SGPL1: variants seen among roughly 807,000 people sequenced by gnomAD.
The protein encoded by SGPL1 is SP-lyase 1.
A neutral mutation model predicts 68.9 loss-of-function variants in SGPL1; 37 were observed. That is an observed-to-expected ratio of 0.54 (90% CI 0.41 to 0.71). The LOEUF is 0.71. SGPL1 is among the 30% of genes least tolerant of loss of function. The probability of loss-of-function intolerance (pLI) is 0.00; values close to 1 mark genes in which losing one functional copy is unlikely to be tolerated. For missense variants in SGPL1, 551 were observed against 704.6 expected, an observed-to-expected ratio of 0.78 and a Z score of 2.47; for synonymous variants, 236 against 248.5, an observed-to-expected ratio of 0.95 and a Z score of 0.47.
intron 4 of SGPL1, among the ~76,000 whole-genome samples, chr10:70,852,185 C>T (rs1360371838): frequency 6.6e-6 from 1 of 152,182 alleles, no homozygotes; most frequent in Non-Finnish European, 1.5e-5. Flanking sequence ...TTTTGGCTTT[C>T]AGTTCCCTTT....
chr10:70,847,521 T>C (rs1182348856), intron 3 of SGPL1, among the ~76,000 whole-genome samples: 4 of 152,112 alleles, frequency 2.6e-5, no homozygotes, highest in African/African-American at 9.7e-5. Flanking sequence ...ACAATATGGG[T>C]ATATAATAAG....
In SGPL1 at chr10:70,844,601, G is replaced by A. The variant is rs1162198788; in HGVS notation, c.156G>A (p.Leu52=). 1 of 1,613,982 alleles carries A rather than the reference G, an allele frequency of 6.2e-7. No homozygotes were observed. The highest frequency in any genetic ancestry group is 8.5e-7 in the Non-Finnish European group (1 of 1,180,020). ...LIAWSVVWTL[L]IVWGYEFVFQ... is the part of the protein sequence containing the mutation. ...CATGGAGTGTCGTGTGGACCCTGCT[G>A]ATAGTCTGGGGATATGAGTTTGTCT... The change falls in exon 3 of 15, where the codon CTG becomes CTA. Residue 52 remains leucine, a synonymous_variant. Coordinates refer to ENST00000373202, the MANE Select transcript of SGPL1 (RefSeq NM_003901.4).
intron 13 of SGPL1, among the ~76,000 whole-genome samples, chr10:70,875,790 T>G (rs6480465): frequency 0.023 from 3,427 of 152,272 alleles, 116 homozygotes; most frequent in African/African-American, 0.078. Flanking sequence ...GTCATGAGGT[T>G]TTTCTCTCAG....
intron 3 of SGPL1, 49 bp from the exon 4 acceptor site, chr10:70,851,094 C>G: frequency 6.9e-7 from 1 of 1,452,244 alleles, no homozygotes; most frequent in South Asian, 1.1e-5. Context: ...TATGCCAGGT[C>G]ATATCCATGG....
Position 70,868,352 on chromosome 10 carries a change from C to G in SGPL1, c.623C>G (p.Ser208Cys). 1 of 1,610,710 alleles carries G rather than the reference C, an allele frequency of 6.2e-7. No homozygotes were observed. The highest frequency in any genetic ancestry group is 8.5e-7 in the Non-Finnish European group (1 of 1,178,242). The stretch of plus-strand genomic sequence containing the variant: ...ATCTCTTCTTTATTATAGGTGACTT[C>G]TGGGGGAACAGAAAGCATACTGATG... ...GGPDSCGCVT[S>C]GGTESILMAC... The change falls in exon 8 of 15, where the codon TCT (serine) becomes TGT (cysteine). Residue 208 changes from serine to cysteine, a missense_variant. Ser to Cys is a moderately radical substitution (Grantham distance 112). Transcript: ENST00000373202.
intron 3 of SGPL1, among the ~76,000 whole-genome samples, chr10:70,847,727 G>A (rs1231616333): frequency 6.6e-6 from 1 of 152,146 alleles, no homozygotes; most frequent in Non-Finnish European, 1.5e-5. Flanking sequence ...TTTAGACACA[G>A]ATAAGAATGT....
chr10:70,862,642 A>G (rs1846093967), intron 7 of SGPL1, among the ~76,000 whole-genome samples: 1 of 152,098 alleles, frequency 6.6e-6, no homozygotes, highest in African/African-American at 2.4e-5. Flanking sequence ...TCCTGAAGCC[A>G]GTGAGACCAC....
At chr10:70,835,134 A>G (rs1465360935) in intron 2 of SGPL1, among the ~76,000 whole-genome samples, 4 of 152,332 alleles carry the variant, frequency 2.6e-5, no homozygotes, top group Non-Finnish European at 5.9e-5. Context: ...AAAACTGTCA[A>G]AAGTATAGGC....
chr10:70,866,019 TTTGG>T (rs1387039250), intron 7 of SGPL1, among the ~76,000 whole-genome samples: 5 of 152,198 alleles, frequency 3.3e-5, no homozygotes, highest in Admixed American at 3.3e-4. Flanking sequence ...CCTGTTTCTC[TTTGG>T]GTATAGGAGG....
chr10:70,816,429 G>GC (rs1845229969), intron 1 of SGPL1, among the ~76,000 whole-genome samples: 1 of 152,168 alleles, frequency 6.6e-6, no homozygotes, highest in Non-Finnish European at 1.5e-5. Flanking sequence ...CGAGAGCGAG[G>GC]CCGTGCTGAT....
At chr10:70,841,703 T>C (rs967649415) in intron 2 of SGPL1, among the ~76,000 whole-genome samples, 3 of 152,196 alleles carry the variant, frequency 2.0e-5, no homozygotes, top group African/African-American at 7.2e-5. Context: ...TTCAGTCCAT[T>C]GCAGGTATAA....
chr10:70,870,293 C>G (rs1023486530), intron 9 of SGPL1, among the ~76,000 whole-genome samples: 1 of 151,952 alleles, frequency 6.6e-6, no homozygotes, highest in African/African-American at 2.4e-5. Context: ...AACCCTTGAG[C>G]CCAGGAGTTT....
At chr10:70,836,873 C>A (rs1030320418) in intron 2 of SGPL1, among the ~76,000 whole-genome samples, 20 of 152,022 alleles carry the variant, frequency 1.3e-4, no homozygotes, top group African/African-American at 4.8e-4. Flanking sequence ...ATTACAAGTA[C>A]TTTATAATGT....
chr10:70,878,362 C>G lies in SGPL1; in HGVS notation c.*1027C>G, dbSNP rs1258959685. 1 of 152,224 alleles carries G rather than the reference C, an allele frequency of 6.6e-6. No homozygotes were observed. Among genetic ancestry groups the G allele is most frequent in the Non-Finnish European group, 1.5e-5 (1 of 68,054 alleles). The allele number at this position is 152,224 out of a possible 1,614,324, so 9.4% of individuals were successfully genotyped here. A position where few individuals can be genotyped will look rare whatever the true frequency, so the allele number is the denominator to read the frequency against. ...TTGGAGATTATTGTTTGGAATGATG[C>G]TTCCATTGGCTTTTTCTTGTTACCA... On this transcript the variant is annotated 3_prime_UTR_variant, in exon 15 of 15. Coordinates refer to ENST00000373202, the MANE Select transcript of SGPL1 (RefSeq NM_003901.4).
chr10:70,866,953 T>TATTTAG lies in SGPL1; in HGVS notation c.616-1392_616-1391insATTTAG, dbSNP rs568742249. Among the ~76,000 whole-genome samples, 1,079 of 152,356 alleles carry TATTTAG rather than the reference T, an allele frequency of 7.1e-3. 20 individuals carry two copies. The highest frequency in any genetic ancestry group is 0.025 in the African/African-American group (1,032 of 41,578). On this transcript the variant is annotated intron_variant, in intron 7 of 14. Coordinates refer to ENST00000373202, the MANE Select transcript of SGPL1 (RefSeq NM_003901.4). ...AGTGGTCACTTTCTCTGATTCCATCTTGTATTAAGCTACACTAAATATGAA... is the reference window on the plus strand; with the variant it reads ...AGTGGTCACTTTCTCTGATTCCATCTATTTAGTGTATTAAGCTACACTAAATATGAA...
intron 2 of SGPL1, among the ~76,000 whole-genome samples, chr10:70,826,859 GTTCA>G (rs1845446618): frequency 6.6e-6 from 1 of 152,028 alleles, no homozygotes; most frequent in Non-Finnish European, 1.5e-5. Flanking sequence ...TGTAGTTTAA[GTTCA>G]TTCATTTTTA....
chr10:70,873,618 T>C (rs1440284738), intron 12 of SGPL1, 29 bp downstream of exon 12: 6 of 1,539,392 alleles, frequency 3.9e-6, no homozygotes, highest in African/African-American at 2.7e-5. Flanking sequence ...GGTTCTGCCT[T>C]GTCTATTGCT....
chr10:70,837,606 C>A (rs1419850339), intron 2 of SGPL1, among the ~76,000 whole-genome samples: 1 of 152,162 alleles, frequency 6.6e-6, no homozygotes, highest in Non-Finnish European at 1.5e-5. Context: ...ATGACTGAAA[C>A]TCTTAAACAG....
intron 3 of SGPL1, among the ~76,000 whole-genome samples, chr10:70,845,875 C>T (rs1845785102): frequency 6.6e-6 from 1 of 152,140 alleles, no homozygotes; most frequent in South Asian, 2.1e-4. Flanking sequence ...ATTTCCCCAC[C>T]ACTTTGCTTC....
Sources: gnomAD v4.1 joint callset for allele counts (sites outside exome capture counted in the v4.1 genomes callset) on GRCh38, gnomAD v4.1.1 for gene constraint, MANE v1.5 for transcripts, NCBI Gene and HGNC (gene_info 2026-07-23, HGNC 2026-07-21) for gene names.